UACA: variants seen among roughly 807,000 people sequenced by gnomAD.
The protein encoded by UACA is nuclear membrane binding protein.
Under a neutral mutation model 160.5 loss-of-function variants are expected in UACA, and 112 were observed. The ratio of observed to expected loss-of-function variants is 0.70; its 90% CI spans 0.60 to 0.82. The LOEUF (loss-of-function observed/expected upper bound fraction) is 0.82. Ranked by LOEUF, UACA falls within the 40% of genes least tolerant of loss-of-function variation. The pLI, the probability that UACA is intolerant of heterozygous loss-of-function variation, is 0.00. For missense variants in UACA, 1,574 were observed against 1,614.6 expected, an observed-to-expected ratio of 0.97 and a Z score of 0.43; for synonymous variants, 557 against 568.4, an observed-to-expected ratio of 0.98 and a Z score of 0.29.
chr15:70,770,608 G>T, the UACA span, among the ~76,000 whole-genome samples: 1 of 152,122 alleles, frequency 6.6e-6, no homozygotes, highest in Non-Finnish European at 1.5e-5. Context: ...TTTTAATTTT[G>T]CCAGGCTAGG....
chr15:70,773,424 T>C, the UACA span, among the ~76,000 whole-genome samples: 1 of 152,200 alleles, frequency 6.6e-6, no homozygotes, highest in South Asian at 2.1e-4. Context: ...GGAAAGTTTT[T>C]TAGTTTAAGG....
chr15:70,760,613 C>T (rs2030691504), intron 1 of UACA, among the ~76,000 whole-genome samples: 3 of 151,986 alleles, frequency 2.0e-5, no homozygotes, highest in Admixed American at 6.6e-5. Flanking sequence ...TTGAGACCAT[C>T]CTGGACAACA....
chr15:70,728,575 G>GAAAAAAAAAAAAA (rs552367044), intron 1 of UACA, among the ~76,000 whole-genome samples: 2 of 118,134 alleles, frequency 1.7e-5, no homozygotes, highest in Non-Finnish European at 1.8e-5. Flanking sequence ...AAAAAAAAAA[G>GAAAAAAAAAAAAA]AAAAAAAAAA....
At chr15:70,706,153 TAATAG>T (rs1425148870) in intron 1 of UACA, among the ~76,000 whole-genome samples, 3 of 152,098 alleles carry the variant, frequency 2.0e-5, no homozygotes, top group Non-Finnish European at 4.4e-5. Flanking sequence ...TATACCACCT[TAATAG>T]AATAAAGGAC....
At chr15:70,700,318 T>TATATATATATATACAC (rs565377949) in intron 1 of UACA, among the ~76,000 whole-genome samples, 1 of 139,762 alleles carries the variant, frequency 7.2e-6, no homozygotes, top group African/African-American at 2.9e-5. Flanking sequence ...TATATATATA[T>TATATATATATATACAC]ACACACACAC....
At chr15:70,729,160 A>T (rs1017860420) in intron 1 of UACA, among the ~76,000 whole-genome samples, 2 of 152,236 alleles carry the variant, frequency 1.3e-5, no homozygotes, top group African/African-American at 4.8e-5. Flanking sequence ...TAGAACTACC[A>T]TTCAACCCAG....
At chr15:70,688,763 T>C (rs1312789066) in intron 5 of UACA, among the ~76,000 whole-genome samples, 1 of 152,044 alleles carries the variant, frequency 6.6e-6, no homozygotes, top group Non-Finnish European at 1.5e-5. Context: ...AAGAGAAAAC[T>C]GCAAACCACC....
Position 70,695,125 on chromosome 15 carries a change from T to C in UACA, c.213-20A>G. ...TGGAAGCTAAACAAAAAAAAAATAT[T>C]TGTTGTGCTAAGGAAACAACCAAAG... On this transcript the variant is annotated intron_variant, in intron 2 of 18. Transcript: ENST00000322954. 1.3e-6 allele frequency: 2 copies of C among 1,562,430 alleles called. No individual in the cohort carries two copies. Among genetic ancestry groups the C allele is most frequent in the Non-Finnish European group, 1.7e-6 (2 of 1,152,610 alleles).
rs2030911951 is a variant in UACA at position 70,763,540 on chromosome 15, C to G, written c.-133G>C. ...CCCACCTGCCTGCCACCTGCGGGCCCCGGGCAGCAGACGTCGACAGGCCTG... is the reference window on the plus strand; with the variant it reads ...CCCACCTGCCTGCCACCTGCGGGCCGCGGGCAGCAGACGTCGACAGGCCTG... On this transcript the variant is annotated 5_prime_UTR_variant, in exon 1 of 19. Transcript: ENST00000322954. 8.0e-7 allele frequency: 1 copy of G among 1,245,332 alleles called. No individual in the cohort carries two copies. Among genetic ancestry groups the G allele is most frequent in the African/African-American group, 1.6e-5 (1 of 64,318 alleles). The allele number at this position is 1,245,332 out of a possible 1,614,324, so 77.1% of individuals were successfully genotyped here.
At chr15:70,767,710 T>A (rs1567007362), upstream of UACA, among the ~76,000 whole-genome samples, 1 of 152,220 alleles carries the variant, frequency 6.6e-6, no homozygotes, top group Non-Finnish European at 1.5e-5. Context: ...ATGACTTCCC[T>A]CTTCATTTTC....
At chr15:70,701,870 T>C (rs773860978) in intron 1 of UACA, 3 of 1,611,636 alleles carry the variant, frequency 1.9e-6, no homozygotes, top group South Asian at 1.1e-5. Context: ...ACTACTGGGA[T>C]ACCTACTCTG....
chr15:70,771,605 C>T, the UACA span, among the ~76,000 whole-genome samples: 3 of 152,032 alleles, frequency 2.0e-5, no homozygotes, highest in South Asian at 2.1e-4. Flanking sequence ...AATAAGTAAG[C>T]GACCAAGATC....
chr15:70,767,407 G>A (rs1253656539), upstream of UACA, among the ~76,000 whole-genome samples: 1 of 151,666 alleles, frequency 6.6e-6, no homozygotes, highest in Non-Finnish European at 1.5e-5. Context: ...TGGTGAACAT[G>A]GTGAAACCCC....
At chr15:70,766,434 T>C (rs2141024136), upstream of UACA, among the ~76,000 whole-genome samples, 1 of 146,328 alleles carries the variant, frequency 6.8e-6, no homozygotes, top group Non-Finnish European at 1.5e-5. Context: ...AAATATTTTT[T>C]TGTTTTACTT....
rs1292671501 is a variant in UACA at position 70,669,153 on chromosome 15, C to T, written c.1531G>A (p.Gly511Ser). 1 of 1,614,004 alleles carries T rather than the reference C, an allele frequency of 6.2e-7. No individual in the cohort carries two copies. The highest frequency in any genetic ancestry group is 8.5e-7 in the Non-Finnish European group (1 of 1,179,982). The change falls in exon 16 of 19, where the codon GGT becomes AGT. Residue 511 changes from glycine (G) to serine (S), a missense_variant. Physicochemically the swap from Gly to Ser is moderately conservative, Grantham distance 56. Coordinates refer to ENST00000322954, the MANE Select transcript of UACA (RefSeq NM_018003.4). ...TGGGTCTGCATTTGTTTAACTTTAC[C>T]TTCTGACTCATACATCCTCTTCTGC... ...DVQKRMYESEGKVKQMQTHFL... is the reference protein window; with the variant it reads ...DVQKRMYESESKVKQMQTHFL...
At chr15:70,682,883 T>C (rs1897563086) in intron 8 of UACA, 88 bp from the exon 9 acceptor site, 2 of 765,756 alleles carry the variant, frequency 2.6e-6, no homozygotes, top group Non-Finnish European at 4.0e-6. Flanking sequence ...TGAGTCAATA[T>C]TAAATAAATA....
At chr15:70,690,344 C>CTT in intron 5 of UACA, 110 bp downstream of exon 5, 1 of 998,790 alleles carries the variant, frequency 1.0e-6, no homozygotes, top group Non-Finnish European at 1.5e-6. Flanking sequence ...TTTTAATATT[C>CTT]TTTGTTTCTC....
At chr15:70,673,769 C>G (rs1290680757) in intron 13 of UACA, among the ~76,000 whole-genome samples, 2 of 152,066 alleles carry the variant, frequency 1.3e-5, no homozygotes, top group East Asian at 1.9e-4. Flanking sequence ...AACAGTAATT[C>G]CTTTGACAGT....
At chr15:70,663,745 C>T (rs1028902703) in intron 17 of UACA, among the ~76,000 whole-genome samples, 6 of 151,774 alleles carry the variant, frequency 4.0e-5, no homozygotes, top group Non-Finnish European at 7.4e-5. Context: ...TGGAAACCAT[C>T]ATTCTCAGCA....
Sources: gnomAD v4.1 joint callset for allele counts (sites outside exome capture counted in the v4.1 genomes callset) on GRCh38, gnomAD v4.1.1 for gene constraint, MANE v1.5 for transcripts, NCBI Gene and HGNC (gene_info 2026-07-23, HGNC 2026-07-21) for gene names.